The following LAMA3 variants were observed in gnomAD, a reference collection of about 807,000 sequenced individuals.
The protein encoded by LAMA3 is laminin subunit alpha-3.
In LAMA3, 281 loss-of-function variants were observed where a neutral mutation model predicts 402.0. That is an observed-to-expected ratio of 0.70 (90% CI 0.63 to 0.77). The LOEUF (loss-of-function observed/expected upper bound fraction) is 0.77, where lower values mean the gene tolerates loss of function less well. Among genes scored for constraint, LAMA3 ranks in the 30% least tolerant of loss-of-function variants. The pLI is 0.00. For missense variants in LAMA3, 3,840 were observed against 4,215.5 expected (o/e 0.91, Z 2.47); for synonymous variants, 1,431 against 1,558.4 (o/e 0.92, Z 1.93).
chr18:23,707,682 G>A (rs1711459), intron 1 of LAMA3, among the ~76,000 whole-genome samples: 7,454 of 151,152 alleles, frequency 0.049, 440 homozygotes, highest in Admixed American at 0.17. Flanking sequence ...TTTATTTTTC[G>A]TAGAGACAAG....
intron 64 of LAMA3, among the ~76,000 whole-genome samples, chr18:23,930,803 T>C (rs2082139827): frequency 6.6e-6 from 1 of 152,198 alleles, no homozygotes; most frequent in African/African-American, 2.4e-5. Context: ...AGAAATTAAA[T>C]TGGCTTAATG....
At chr18:23,893,113 G>A (rs929265417) in intron 42 of LAMA3, among the ~76,000 whole-genome samples, 1 of 152,068 alleles carries the variant, frequency 6.6e-6, no homozygotes, top group Non-Finnish European at 1.5e-5. Flanking sequence ...AGTAAATGTG[G>A]TTTAAAATGT....
At chr18:23,750,672 T>C (rs763853038) in intron 4 of LAMA3, among the ~76,000 whole-genome samples, 3 of 152,054 alleles carry the variant, frequency 2.0e-5, no homozygotes, top group Admixed American at 6.6e-5. Context: ...GAAAACGTAA[T>C]GATAACATCT....
At chr18:23,782,511 C>G (rs2062456488) in intron 11 of LAMA3, among the ~76,000 whole-genome samples, 1 of 151,860 alleles carries the variant, frequency 6.6e-6, no homozygotes, top group Non-Finnish European at 1.5e-5. Flanking sequence ...AGAGATTGAG[C>G]CACTGCACTC....
chr18:23,873,302 T>G, intron 38 of LAMA3: 1 of 1,183,644 alleles, frequency 8.4e-7, no homozygotes, highest in Non-Finnish European at 1.3e-6. Context: ...GATTAATGAG[T>G]AAATGGGTGG....
chr18:23,894,372 C>A (rs1238816257), intron 43 of LAMA3, 24 bp downstream of exon 43: 1 of 1,599,622 alleles, frequency 6.3e-7, no homozygotes, highest in East Asian at 2.2e-5. Flanking sequence ...GCCCCTCCTC[C>A]TCCTTTCCAA....
intron 5 of LAMA3, among the ~76,000 whole-genome samples, chr18:23,753,255 C>T (rs2061784662): frequency 6.6e-6 from 1 of 152,202 alleles, no homozygotes; most frequent in Non-Finnish European, 1.5e-5. Flanking sequence ...GGATCCATCT[C>T]TGTAAATATT....
intron 40 of LAMA3, among the ~76,000 whole-genome samples, chr18:23,883,229 G>A (rs1418170233): frequency 3.3e-5 from 5 of 152,106 alleles, no homozygotes; most frequent in Non-Finnish European, 7.3e-5. Flanking sequence ...AAATTTTGGG[G>A]CAGTTCTGAG....
chr18:23,839,410 GTATATTTTTTCTTTCTTATA>G lies in LAMA3; in HGVS notation c.3192-372_3192-353del, dbSNP rs1312716023. ...TCTGGTTGTGCGTAAAAGAGACGAT[GTATATTTTTTCTTTCTTATA>G]TAGTGTTCTGTCAATATTTATGTTT... On this transcript the variant is annotated intron_variant, in intron 26 of 74. Coordinates refer to ENST00000313654, the MANE Select transcript of LAMA3 (RefSeq NM_198129.4). The surrounding 1 kb of genome is among the most constrained non-coding windows in gnomAD (Gnocchi z 4.5). Among the ~76,000 whole-genome samples the G allele has an allele frequency of 1.3e-5, 2 of 152,190 alleles. No individual in the cohort carries two copies. Among genetic ancestry groups the G allele is most frequent in the African/African-American group, 4.8e-5 (2 of 41,452 alleles).
At chr18:23,902,559 C>T (rs750957650) in intron 48 of LAMA3, among the ~76,000 whole-genome samples, 7 of 152,142 alleles carry the variant, frequency 4.6e-5, no homozygotes, top group Non-Finnish European at 1.0e-4. Flanking sequence ...AGGGAGCAGA[C>T]CCAACTTTAT....
At chr18:23,892,295 G>A (rs1321555064) in intron 42 of LAMA3, among the ~76,000 whole-genome samples, 1 of 152,134 alleles carries the variant, frequency 6.6e-6, no homozygotes, top group African/African-American at 2.4e-5. Flanking sequence ...CATGAAATGA[G>A]GATAGTAACT....
At chr18:23,760,904 A>G (rs1175590794) in intron 7 of LAMA3, among the ~76,000 whole-genome samples, 3 of 152,058 alleles carry the variant, frequency 2.0e-5, no homozygotes, top group Non-Finnish European at 4.4e-5. Context: ...CGGGCAAGGA[A>G]GCTTTCTGGG....
chr18:23,831,511 G>A (rs1461952252), intron 23 of LAMA3, among the ~76,000 whole-genome samples: 1 of 151,926 alleles, frequency 6.6e-6, no homozygotes, highest in Non-Finnish European at 1.5e-5. Context: ...ACTCAACTAA[G>A]TTGCTGTTCT....
At chr18:23,946,069 C>T in intron 69 of LAMA3, 75 bp from the exon 70 acceptor site, 3 of 1,410,614 alleles carry the variant, frequency 2.1e-6, no homozygotes, top group Non-Finnish European at 3.0e-6. Flanking sequence ...TTAATTTGGC[C>T]ACTAATATTT....
At position 23,793,606 on chromosome 18, in the gene LAMA3, T is replaced by C. The variant is rs545425589; in HGVS notation, c.1603+9449T>C. ...TAGCATAGGGCTGGTCCAAGAACAA[T>C]TGTGTGGGGAAAAACTCTTTCCTCT... On this transcript the variant is annotated intron_variant, in intron 12 of 74. Coordinates refer to ENST00000313654, the MANE Select transcript of LAMA3 (RefSeq NM_198129.4). Among the ~76,000 whole-genome samples the C allele has an allele frequency of 4.8e-4, 72 of 151,084 alleles. 1 individual carries two copies. The highest frequency in any genetic ancestry group is 1.7e-3 in the African/African-American group (69 of 41,140).
At position 23,907,948 on chromosome 18, in the gene LAMA3, C is replaced by T. The variant is rs2081305361; in HGVS notation, c.7015+13C>T. 2 of 1,612,980 alleles carry T rather than the reference C, an allele frequency of 1.2e-6. No homozygotes were observed. On this transcript the variant is annotated intron_variant, in intron 54 of 74. Transcript: ENST00000313654. ...GCAGATAACTCGGGTATCAGGCGATCTCTGGCCAGGACATCTTAGCCATTC... is the reference window on the plus strand; with the variant it reads ...GCAGATAACTCGGGTATCAGGCGATTTCTGGCCAGGACATCTTAGCCATTC...
intron 19 of LAMA3, among the ~76,000 whole-genome samples, chr18:23,820,864 C>T (rs2063271740): frequency 6.6e-6 from 1 of 152,164 alleles, no homozygotes; most frequent in Non-Finnish European, 1.5e-5. Context: ...ACAGTACTCT[C>T]AGACCCCTTC....
At chr18:23,798,428 ACCT>A (rs566542922) in intron 12 of LAMA3, among the ~76,000 whole-genome samples, 114 of 151,954 alleles carry the variant, frequency 7.5e-4, no homozygotes, top group African/African-American at 2.6e-3. Flanking sequence ...TGAGAGATTA[ACCT>A]CCTCCTCCCT....
chr18:23,758,253 C>T (rs1273339760), intron 6 of LAMA3, 143 bp from the exon 7 acceptor site: 26 of 706,710 alleles, frequency 3.7e-5, no homozygotes, highest in East Asian at 8.2e-5. Flanking sequence ...ATAATACTTG[C>T]GAAGTGTTGT....
Sources: allele counts gnomAD v4.1 joint callset (sites outside exome capture counted in the v4.1 genomes callset), GRCh38; gene constraint gnomAD v4.1.1; non-coding constraint Gnocchi (gnomAD v3.1); transcripts MANE v1.5; gene names NCBI Gene and HGNC (gene_info 2026-07-23, HGNC 2026-07-21).